Variants in ODR4 observed in about 807,000 individuals in gnomAD.
ODR4 encodes the protein odr-4 GPCR localization factor homolog.
Under a neutral mutation model 60.2 loss-of-function variants are expected in ODR4, and 47 were observed. The ratio of observed to expected loss-of-function variants is 0.78; its 90% CI spans 0.62 to 1.00. ODR4 has a LOEUF of 1.00. Ranked by LOEUF, ODR4 falls within the 50% of genes least tolerant of loss-of-function variation. The pLI is 0.00. For synonymous variants in ODR4, 178 were observed against 175.5 expected, an observed-to-expected ratio of 1.01 and a Z score of -0.11; for missense variants, 488 against 530.8, an observed-to-expected ratio of 0.92 and a Z score of 0.79.
In ODR4 at chr1:186,386,075, C is replaced by T; in HGVS notation, c.322C>T (p.Leu108=). The T allele has an allele frequency of 6.3e-7, 1 of 1,580,484 alleles. No homozygotes were observed. ...ACTGGCAAATGATTTTCAAAATGCC[C>T]TGCGTAGAGTAAGTTTGATATATCG... ...LELANDFQNA[L]RRLMFAVEKS... Residue 108 remains leucine (L), a synonymous_variant, in exon 4 of 14, where the codon CTG becomes TTG. Transcript: ENST00000287859.
Position 186,420,744 on chromosome 1 carries a change from C to T in ODR4, c.*1668C>T, listed in dbSNP as rs1415949354. 6.6e-6 allele frequency: 1 copy of T among 152,002 alleles called. No homozygotes were observed. Among genetic ancestry groups the T allele is most frequent in the Non-Finnish European group, 1.5e-5 (1 of 68,008 alleles). 9.4% of individuals were successfully genotyped at this position (152,002 alleles called of 1,614,324 possible). On this transcript the variant is annotated 3_prime_UTR_variant, in exon 14 of 14. Transcript: ENST00000287859. ...TGAGGAGAAACAAGGAGCTAGAAAACATTGGAAAGTTAAGAGAGTTCGAGG... is the reference window on the plus strand; with the variant it reads ...TGAGGAGAAACAAGGAGCTAGAAAATATTGGAAAGTTAAGAGAGTTCGAGG...
At chr1:186,400,977 A>G in intron 11 of ODR4, 1 of 1,478,714 alleles carries the variant, frequency 6.8e-7, no homozygotes, top group South Asian at 1.2e-5. Context: ...TGTGGTGTAA[A>G]TCATTGCTTC....
At chr1:186,404,435 A>G (rs1661098906) in intron 11 of ODR4, among the ~76,000 whole-genome samples, 1 of 152,216 alleles carries the variant, frequency 6.6e-6, no homozygotes, top group Non-Finnish European at 1.5e-5. Context: ...TTTCAGATAG[A>G]CCAAGAATTG....
intron 11 of ODR4, among the ~76,000 whole-genome samples, chr1:186,402,313 TTTCTC>T (rs1002463426): frequency 2.0e-5 from 3 of 150,276 alleles, no homozygotes; most frequent in African/African-American, 4.9e-5. Flanking sequence ...CCTCTCCTCT[TTTCTC>T]CTCTCCTCTT....
intron 2 of ODR4, 34 bp from the exon 3 acceptor site, chr1:186,382,988 T>C (rs1467117529): frequency 6.4e-7 from 1 of 1,558,252 alleles, no homozygotes; most frequent in Non-Finnish European, 8.7e-7. Context: ...GAATCAGATA[T>C]CACTCTAACA....
At chr1:186,379,918 T>TACTCTGTA in intron 2 of ODR4, 34 bp downstream of exon 2, 1 of 1,175,080 alleles carries the variant, frequency 8.5e-7, no homozygotes, top group South Asian at 1.5e-5. Flanking sequence ...TATAACTAAA[T>TACTCTGTA]AATTACTCTG....
intron 5 of ODR4, among the ~76,000 whole-genome samples, chr1:186,389,143 G>T (rs889183193): frequency 6.9e-6 from 1 of 145,606 alleles, no homozygotes; most frequent in Non-Finnish European, 1.5e-5. Flanking sequence ...GCAGAAGCAG[G>T]GCTTTTTTTT....
At chr1:186,407,162 A>C (rs1487064391) in intron 12 of ODR4, among the ~76,000 whole-genome samples, 1 of 152,108 alleles carries the variant, frequency 6.6e-6, no homozygotes, top group Non-Finnish European at 1.5e-5. Flanking sequence ...GGGAAAATAA[A>C]ATTTCTAAAT....
intron 12 of ODR4, 38 bp downstream of exon 12, chr1:186,406,306 A>G (rs1162567095): frequency 1.4e-6 from 2 of 1,453,216 alleles, no homozygotes; most frequent in Non-Finnish European, 1.8e-6. Flanking sequence ...TGGTTAGATT[A>G]CAGCTAAGAT....
chr1:186,432,256 T>C, the ODR4 span, among the ~76,000 whole-genome samples: 1 of 152,204 alleles, frequency 6.6e-6, no homozygotes, highest in Non-Finnish European at 1.5e-5. Context: ...GTTTTATCTT[T>C]TACATACACT....
intron 12 of ODR4, among the ~76,000 whole-genome samples, chr1:186,406,469 TG>T (rs1340812416): frequency 6.6e-6 from 1 of 152,156 alleles, no homozygotes; most frequent in African/African-American, 2.4e-5. Flanking sequence ...CCTGGGAAAT[TG>T]TACCAAAATT....
At chr1:186,405,996 T>G in intron 11 of ODR4, 87 bp from the exon 12 acceptor site, 1 of 913,290 alleles carries the variant, frequency 1.1e-6, no homozygotes, top group South Asian at 3.0e-5. Flanking sequence ...TTATTTCTAT[T>G]AGTTTTTGTA....
At chr1:186,401,124 T>G in intron 11 of ODR4, 1 of 1,596,408 alleles carries the variant, frequency 6.3e-7, no homozygotes, top group Non-Finnish European at 8.6e-7. Context: ...AAAAATCCTT[T>G]ATAAAAGTGG....
At chr1:186,401,323 T>C (rs1165476079) in intron 11 of ODR4, 4 of 632,954 alleles carry the variant, frequency 6.3e-6, no homozygotes, top group Non-Finnish European at 1.1e-5. Context: ...TTACTGGCAA[T>C]TGGGTGGCCT....
intron 9 of ODR4, among the ~76,000 whole-genome samples, chr1:186,395,204 C>T (rs1436764582): frequency 1.3e-5 from 2 of 152,262 alleles, no homozygotes; most frequent in South Asian, 4.1e-4. Flanking sequence ...ACGCCATTCT[C>T]CTGCCTCAGC....
At chr1:186,391,921 G>A (rs1558071308) in intron 8 of ODR4, 130 bp downstream of exon 8, 2 of 630,136 alleles carry the variant, frequency 3.2e-6, no homozygotes, top group Non-Finnish European at 2.8e-6. Context: ...CTGATTTAAA[G>A]TAAAAGGCAA....
chr1:186,399,201 C>A, intron 11 of ODR4, 157 bp downstream of exon 11: 1 of 642,532 alleles, frequency 1.6e-6, no homozygotes, highest in Non-Finnish European at 2.8e-6. Context: ...TCAGTTGCTA[C>A]TCAGATTTTT....
intron 12 of ODR4, among the ~76,000 whole-genome samples, chr1:186,407,636 T>C (rs1412652386): frequency 6.6e-6 from 1 of 152,164 alleles, no homozygotes; most frequent in Non-Finnish European, 1.5e-5. Context: ...TAACCTATTC[T>C]TTCAGTAATA....
Position 186,412,334 on chromosome 1 carries a change from C to G in ODR4, c.1187-5210C>G, listed in dbSNP as rs189306227. On this transcript the variant is annotated intron_variant, in intron 12 of 13. Coordinates refer to ENST00000287859, the MANE Select transcript of ODR4 (RefSeq NM_017847.6). ...TCAGAACTCTTAGCAGAGGCACTGTCTCTGTAAGGGATTCAGGGAAAGCTT... is the reference window on the plus strand; with the variant it reads ...TCAGAACTCTTAGCAGAGGCACTGTGTCTGTAAGGGATTCAGGGAAAGCTT... Among the ~76,000 whole-genome samples, 448 of 152,226 alleles carry G rather than the reference C, an allele frequency of 2.9e-3. 5 individuals are homozygous for G. The highest frequency in any genetic ancestry group is 0.01 in the African/African-American group (435 of 41,552).
Sources: gnomAD v4.1 joint callset for allele counts (sites outside exome capture counted in the v4.1 genomes callset) on GRCh38, gnomAD v4.1.1 for gene constraint, MANE v1.5 for transcripts, NCBI Gene and HGNC (gene_info 2026-07-23, HGNC 2026-07-21) for gene names.